MYH14: variants seen among roughly 807,000 people sequenced by gnomAD.
The protein encoded by MYH14 is myosin heavy chain 14.
Under a neutral mutation model 255.5 loss-of-function variants are expected in MYH14, and 123 were observed. The ratio of observed to expected loss-of-function variants is 0.48; its 90% CI spans 0.42 to 0.56. MYH14 has a LOEUF of 0.56. Among genes scored for constraint, MYH14 ranks in the 20% least tolerant of loss-of-function variants. The probability of loss-of-function intolerance (pLI) is 0.00; values close to 1 mark genes in which losing one functional copy is unlikely to be tolerated. For synonymous variants in MYH14, 1,095 were observed against 1,161.2 expected (o/e 0.94, Z 1.16); for missense variants, 2,423 against 2,802.3 (o/e 0.86, Z 3.06).
chr19:50,266,585 G>GGAAGGAAGGGAGGAAAAAAT lies in MYH14; in HGVS notation c.2695-283_2695-282insGAGGAAAAAATGAAGGAAGG. Among the ~76,000 whole-genome samples the GGAAGGAAGGGAGGAAAAAAT allele has an allele frequency of 6.6e-6, 1 of 151,930 alleles. No individual in the cohort carries two copies. Among genetic ancestry groups the GGAAGGAAGGGAGGAAAAAAT allele is most frequent in the East Asian group, 1.9e-4 (1 of 5,190 alleles). Reference sequence around the variant, plus strand: ...AGGAAGGAAGGAAGGGAGGAAAAAAGGAAGGAAGGAAGGACTGTTCCACAG... The same window carrying GGAAGGAAGGGAGGAAAAAAT: ...AGGAAGGAAGGAAGGGAGGAAAAAAGGAAGGAAGGGAGGAAAAAATGAAGGAAGGAAGGACTGTTCCACAG... On this transcript the variant is annotated intron_variant, in intron 22 of 42. Transcript: ENST00000642316. The surrounding 1 kb of genome is among the most constrained non-coding windows in gnomAD (Gnocchi z 4.1).
Position 50,280,429 on chromosome 19 carries a change from A to G in MYH14, c.4290+46A>G, listed in dbSNP as rs2035678284. ...CCTTCAGGGAGGCACAGCCCCCCTC[A>G]CTGCTCCTCCTGGGTTCCCCAGCTC... On this transcript the variant is annotated intron_variant, in intron 32 of 42. Coordinates refer to ENST00000642316, the MANE Select transcript of MYH14 (RefSeq NM_001145809.2). The surrounding 1 kb of genome is among the most constrained non-coding windows in gnomAD (Gnocchi z 4.8). 2 of 1,477,430 alleles carry G rather than the reference A, an allele frequency of 1.4e-6. No individual in the cohort carries two copies. The highest frequency in any genetic ancestry group is 1.4e-5 in the African/African-American group (1 of 71,136). 91.5% of individuals were successfully genotyped at this position (1,477,430 alleles called of 1,614,324 possible).
chr19:50,232,084 G>A lies in MYH14; in HGVS notation c.1114+14G>A, dbSNP rs777088702. The A allele has an allele frequency of 8.1e-6, 13 of 1,609,094 alleles. No individual in the cohort carries two copies. The highest frequency in any genetic ancestry group is 1.6e-4 in the Middle Eastern group (1 of 6,084). ...AGGAAATCATCTGTGAGTGAGCCCC[G>A]TGGAGGCCAGGGGTAGGGGGGAACC... is the stretch of plus-strand genomic sequence containing the variant. On this transcript the variant is annotated intron_variant, in intron 10 of 42. Transcript: ENST00000642316.
In MYH14 at chr19:50,293,362, G is replaced by A. The variant is rs1417404843; in HGVS notation, c.5345+41G>A. The A allele has an allele frequency of 6.4e-7, 1 of 1,553,178 alleles. No individual in the cohort carries two copies. Among genetic ancestry groups the A allele is most frequent in the East Asian group, 2.3e-5 (1 of 42,746 alleles). On this transcript the variant is annotated intron_variant, in intron 38 of 42. Transcript: ENST00000642316. The surrounding 1 kb of genome is among the most constrained non-coding windows in gnomAD (Gnocchi z 4.1). ...GTCTGAAGGCTGAGGTACTGCGTCTGCAGGAGGTGAAGCTGGGGTAGGCTG... is the reference window on the plus strand; with the variant it reads ...GTCTGAAGGCTGAGGTACTGCGTCTACAGGAGGTGAAGCTGGGGTAGGCTG...
At position 50,270,625 on chromosome 19, in the gene MYH14, ATG is replaced by A. The variant is rs201482003; in HGVS notation, c.3034-782_3034-781del. On this transcript the variant is annotated intron_variant, in intron 24 of 42. Transcript: ENST00000642316. ...ATTTCCAGTGTGCCCAATGACTGTC[ATG>A]TTGGCAGTACCCATTTCTATAATTT... Among the ~76,000 whole-genome samples the A allele has an allele frequency of 7.2e-3, 1,094 of 151,778 alleles. 12 individuals carry two copies. The highest frequency in any genetic ancestry group is 0.025 in the African/African-American group (1,043 of 41,464).
At chr19:50,249,592 G>GTCTCTGGGTCTCTGTCCCCTT in intron 13 of MYH14, 58 bp from the exon 14 acceptor site, 2 of 1,606,964 alleles carry the variant, frequency 1.2e-6, no homozygotes, top group Non-Finnish European at 1.7e-6. Context: ...TCTGTCCCCT[G>GTCTCTGGGTCTCTGTCCCCTT]TCTCTGGGTC....
intron 1 of MYH14, among the ~76,000 whole-genome samples, chr19:50,208,323 G>A (rs1398424709): frequency 1.3e-5 from 2 of 152,172 alleles, no homozygotes; most frequent in Admixed American, 1.3e-4. Flanking sequence ...GCTGAGGCAG[G>A]AGAATCTCTT....
Position 50,226,898 on chromosome 19 carries a change from C to T in MYH14, c.811-5C>T. The T allele has an allele frequency of 6.2e-7, 1 of 1,613,704 alleles. No individual in the cohort carries two copies. The highest frequency in any genetic ancestry group is 8.5e-7 in the Non-Finnish European group (1 of 1,179,752). ...CTGAAGCCCACCCACTTTGGTCTCT[C>T]CCAGGGCAAATTCATCCGCATCAAC... On this transcript the variant is annotated splice_polypyrimidine_tract_variant and splice_region_variant and intron_variant, in intron 7 of 42. Coordinates refer to ENST00000642316, the MANE Select transcript of MYH14 (RefSeq NM_001145809.2).
intron 24 of MYH14, 74 bp from the exon 25 acceptor site, chr19:50,271,335 C>T: frequency 6.6e-7 from 1 of 1,504,596 alleles, no homozygotes; most frequent in Non-Finnish European, 9.0e-7. Context: ...GCCAGCCATC[C>T]CCGCTCCCAT....
rs2034875231 is a variant in MYH14, at chr19:50,261,528, C to T, written c.2478C>T (p.Ile826=). ...PNLYRVGQSK[I]FFRAGVLAQL... is the part of the protein sequence containing the mutation. ...TCTACCGCGTGGGACAGAGCAAGAT[C>T]TTCTTCCGGGCTGGGGTCCTGGCCC... Residue 826 remains isoleucine, a synonymous_variant, in exon 21 of 43, where the codon ATC becomes ATT. Transcript: ENST00000642316. The T allele has an allele frequency of 1.8e-5, 28 of 1,583,506 alleles. No homozygotes were observed. The highest frequency in any genetic ancestry group is 2.2e-5 in the Non-Finnish European group (26 of 1,167,590).
chr19:50,208,151 G>A (rs541901358), intron 1 of MYH14, among the ~76,000 whole-genome samples: 36 of 152,176 alleles, frequency 2.4e-4, no homozygotes, highest in Non-Finnish European at 4.3e-4. Flanking sequence ...ATGGTGGCTC[G>A]TGCCTGTAAT....
At chr19:50,245,777 G>A (rs1366921565) in intron 11 of MYH14, among the ~76,000 whole-genome samples, 1 of 152,208 alleles carries the variant, frequency 6.6e-6, no homozygotes, top group East Asian at 1.9e-4. Flanking sequence ...CTGTACATAG[G>A]CACCCAGCAG....
chr19:50,244,749 C>T (rs1298910475), intron 11 of MYH14, among the ~76,000 whole-genome samples: 1 of 152,164 alleles, frequency 6.6e-6, no homozygotes. Flanking sequence ...TCCCAAAGTG[C>T]TGGGATTACA....
At chr19:50,224,852 C>T (rs574556725) in intron 6 of MYH14, 3 of 456,392 alleles carry the variant, frequency 6.6e-6, no homozygotes, top group South Asian at 1.5e-5. Flanking sequence ...GGTCTATAAT[C>T]CCAGCACTTT....
rs780983536 is a variant in MYH14 at position 50,255,299 on chromosome 19, T to G, written c.2025T>G (p.Ser675=). ...CAGGATCTGCAGAGAGGTGCAGCTC[T>G]GCTATTTCTCCGCCAGGGGGTGGGT... The part of the protein sequence containing the change: ...SPPGSAERCS[S]AISPPGVEGI... The change falls in exon 17 of 43, where the codon TCT becomes TCG. Residue 675 remains serine, a synonymous_variant. Coordinates refer to ENST00000642316, the MANE Select transcript of MYH14 (RefSeq NM_001145809.2). 6.4e-7 allele frequency: 1 copy of G among 1,551,286 alleles called. No homozygotes were observed. The highest frequency in any genetic ancestry group is 1.2e-5 in the South Asian group (1 of 84,052).
chr19:50,233,816 G>T (rs993390771), intron 10 of MYH14, among the ~76,000 whole-genome samples: 3 of 15,764 alleles, frequency 1.9e-4, no homozygotes, highest in Admixed American at 1.2e-3. Flanking sequence ...CCCTCCCCCC[G>T]ACCCCCCCGC....
intron 3 of MYH14, among the ~76,000 whole-genome samples, chr19:50,219,806 C>T (rs1389477452): frequency 6.6e-6 from 1 of 151,746 alleles, no homozygotes; most frequent in Non-Finnish European, 1.5e-5. Flanking sequence ...GATATAATGC[C>T]CTTATTATAT....
intron 27 of MYH14, among the ~76,000 whole-genome samples, chr19:50,273,290 C>CA (rs778739770): frequency 0.096 from 7,508 of 78,386 alleles, 749 homozygotes; most frequent in East Asian, 0.17. Context: ...GACTATGTCT[C>CA]AAAAAAAAAA....
intron 24 of MYH14, among the ~76,000 whole-genome samples, chr19:50,269,513 C>T (rs2035217290): frequency 6.6e-6 from 1 of 152,114 alleles, no homozygotes; most frequent in Admixed American, 6.6e-5. Context: ...CTCTTGATCC[C>T]TTTGGTGAGG....
rs192823777 is a variant in MYH14 at position 50,219,746 on chromosome 19, T to C, written c.562+1975T>C. Among the ~76,000 whole-genome samples, 573 of 151,006 alleles carry C rather than the reference T, an allele frequency of 3.8e-3. 8 individuals are homozygous for C. Among genetic ancestry groups the C allele is most frequent in the African/African-American group, 0.012 (502 of 40,314 alleles). On this transcript the variant is annotated intron_variant, in intron 3 of 42. Coordinates refer to ENST00000642316, the MANE Select transcript of MYH14 (RefSeq NM_001145809.2). ...ATCCAAGGGGCTGCCATTCATACCA[T>C]GACAACATAGATCAGTCCTGGCAGA...
Sources: allele counts gnomAD v4.1 joint callset (sites outside exome capture counted in the v4.1 genomes callset), GRCh38; gene constraint gnomAD v4.1.1; non-coding constraint Gnocchi (gnomAD v3.1); transcripts MANE v1.5; gene names NCBI Gene and HGNC (gene_info 2026-07-23, HGNC 2026-07-21).